The following LHX1 variants were observed in gnomAD, a reference collection of about 807,000 sequenced individuals.
LHX1 encodes LIM/homeobox protein Lhx1.
A neutral mutation model predicts 34.1 loss-of-function variants in LHX1; 9 were observed. That is an observed-to-expected ratio of 0.26 (90% CI 0.16 to 0.46). LHX1 has a LOEUF of 0.46. LHX1 is among the 20% of genes least tolerant of loss of function. LHX1 has a pLI of 1.00. For synonymous variants in LHX1, 254 were observed against 241.5 expected (o/e 1.05, Z -0.48); for missense variants, 446 against 559.1 (o/e 0.80, Z 2.04).
Position 36,940,698 on chromosome 17 carries a change from G to A in LHX1, c.486G>A (p.Ser162=). The A allele has an allele frequency of 6.2e-7, 1 of 1,613,778 alleles. No homozygotes were observed. Among genetic ancestry groups the A allele is most frequent in the Non-Finnish European group, 8.5e-7 (1 of 1,180,046 alleles). ...DAKDSESANV[S]DKEAGSNEND... is the part of the protein sequence containing the mutation. ...AGGACTCGGAGAGCGCCAACGTGTC[G>A]GACAAGGAAGCGGGTAGCAACGAGA... is the stretch of plus-strand genomic sequence containing the variant. The change falls in exon 3 of 5, where the codon TCG becomes TCA. Residue 162 remains serine, a synonymous_variant. Coordinates refer to ENST00000614239, the MANE Select transcript of LHX1 (RefSeq NM_005568.5).
At chr17:36,940,265 G>A in intron 1 of LHX1, 25 bp from the exon 2 acceptor site, 13 of 328,464 alleles carry the variant, frequency 4.0e-5, no homozygotes, top group South Asian at 9.9e-5. Context: ...CCCCGCCCCC[G>A]CCCCCCACCC....
chr17:36,937,955 C>A lies in LHX1; in HGVS notation c.-243C>A. The A allele has an allele frequency of 1.7e-6, 1 of 602,336 alleles. No individual in the cohort carries two copies. The highest frequency in any genetic ancestry group is 3.0e-6 in the Non-Finnish European group (1 of 336,892). The allele number at this position is 602,336 out of a possible 1,614,324, so 37.3% of individuals were successfully genotyped here. A position where few individuals can be genotyped will look rare whatever the true frequency, so the allele number is the denominator to read the frequency against. On this transcript the variant is annotated 5_prime_UTR_variant, in exon 1 of 5. Transcript: ENST00000614239. The stretch of plus-strand genomic sequence containing the variant: ...CCCGGGAGCTCAGGCGGCGCCGCTC[C>A]AGCCCGGGGCCCCGGGACTCCCCGG...
At chr17:36,942,521 A>G (rs2070772546) in intron 4 of LHX1, among the ~76,000 whole-genome samples, 156 bp downstream of exon 4, 1 of 152,140 alleles carries the variant, frequency 6.6e-6, no homozygotes, top group Non-Finnish European at 1.5e-5. Context: ...GGAGGCGGCG[A>G]GACCGAGGAC....
Position 36,937,515 on chromosome 17 carries a change from G to C in LHX1, c.-683G>C, listed in dbSNP as rs1034736791. The stretch of plus-strand genomic sequence containing the variant: ...TACCCTCCCCTCTTTCCCTTCTCCC[G>C]CGGTCGGCCCTCGCCCCCTCCCCCA... On this transcript the variant is annotated 5_prime_UTR_variant, in exon 1 of 5. Coordinates refer to ENST00000614239, the MANE Select transcript of LHX1 (RefSeq NM_005568.5). The C allele has an allele frequency of 3.2e-6, 1 of 311,774 alleles. No individual in the cohort carries two copies. The highest frequency in any genetic ancestry group is 6.3e-6 in the Non-Finnish European group (1 of 158,866). 19.3% of individuals were successfully genotyped at this position (311,774 alleles called of 1,614,324 possible).
rs2070741617 is a variant in LHX1 at position 36,938,202 on chromosome 17, T to C, written c.5T>C (p.Val2Ala). The C allele has an allele frequency of 1.2e-6, 2 of 1,613,512 alleles. No individual in the cohort carries two copies. Among genetic ancestry groups the C allele is most frequent in the Non-Finnish European group, 1.7e-6 (2 of 1,180,008 alleles). Residue 2 changes from valine (V) to alanine (A), a missense_variant, in exon 1 of 5, where the codon GTT (valine) becomes GCT (alanine). Physicochemically the swap from Val to Ala is moderately conservative, Grantham distance 64. Transcript: ENST00000614239. ...CATCAGACCAAACCAAAGACCATGG[T>C]TCACTGTGCCGGCTGCAAAAGGCCC... M[V>A]HCAGCKRPIL...
At position 36,942,854 on chromosome 17, in the gene LHX1, C is replaced by G. The variant is rs765794281; in HGVS notation, c.944C>G (p.Pro315Arg). ...AQTPVDLPFV[P>R]SSGPSGTPLG... ...ACACCAGTGGACCTACCCTTCGTGC[C>G]GTCATCTGGGCCGTCCGGGACGCCC... The change falls in exon 5 of 5, where the codon CCG (proline) becomes CGG (arginine). Residue 315 changes from proline to arginine, a missense_variant. Pro to Arg is a moderately radical substitution (Grantham distance 103). This residue lies in a region of LHX1 where 235 missense variants were observed against 224.4 expected (regional missense o/e 1.05). Coordinates refer to ENST00000614239, the MANE Select transcript of LHX1 (RefSeq NM_005568.5). The G allele has an allele frequency of 1.3e-6, 2 of 1,589,188 alleles. No individual in the cohort carries two copies. The highest frequency in any genetic ancestry group is 1.7e-6 in the Non-Finnish European group (2 of 1,165,410).
chr17:36,942,654 C>G (rs146331094), intron 4 of LHX1, 98 bp from the exon 5 acceptor site: 1 of 1,308,484 alleles, frequency 7.6e-7, no homozygotes, highest in Non-Finnish European at 1.0e-6. Flanking sequence ...CCCCGCGCGG[C>G]CTTCCTCAGC....
In LHX1 at chr17:36,943,557, A is replaced by C; in HGVS notation, c.*426A>C. The C allele has an allele frequency of 6.0e-6, 1 of 167,284 alleles. No homozygotes were observed. The highest frequency in any genetic ancestry group is 1.7e-4 in the East Asian group (1 of 5,988). 10.4% of individuals were successfully genotyped at this position (167,284 alleles called of 1,614,324 possible). ...GAGCACAGCCGGGTGAAGGAAGTGA[A>C]GCGGCCCAGGGCGCTCCCGGGCCAG... is the stretch of plus-strand genomic sequence containing the variant. On this transcript the variant is annotated 3_prime_UTR_variant, in exon 5 of 5. Transcript: ENST00000614239.
chr17:36,938,032 C>G lies in LHX1; in HGVS notation c.-166C>G. ...CAGGCCCCGATCAGCCTCGTTTCCTCCACCCTACTTTGATTTCCTGGTGCG... is the reference window on the plus strand; with the variant it reads ...CAGGCCCCGATCAGCCTCGTTTCCTGCACCCTACTTTGATTTCCTGGTGCG... On this transcript the variant is annotated 5_prime_UTR_variant, in exon 1 of 5. Transcript: ENST00000614239. 3.0e-6 allele frequency: 2 copies of G among 673,512 alleles called. No individual in the cohort carries two copies. Among genetic ancestry groups the G allele is most frequent in the Admixed American group, 4.8e-5 (2 of 41,314 alleles). 41.7% of individuals were successfully genotyped at this position (673,512 alleles called of 1,614,324 possible).
chr17:36,940,075 C>T (rs1402534486), intron 1 of LHX1: 5 of 604,440 alleles, frequency 8.3e-6, no homozygotes, highest in Admixed American at 2.9e-5. Context: ...CCTGGTGCCG[C>T]GCTCTCTCTC....
In LHX1 at chr17:36,943,197, G is replaced by GAAAAAA; in HGVS notation, c.*72_*77dup. 2 of 1,303,822 alleles carry GAAAAAA rather than the reference G, an allele frequency of 1.5e-6. No individual in the cohort carries two copies. The highest frequency in any genetic ancestry group is 1.0e-6 in the Non-Finnish European group (1 of 963,508). 80.8% of individuals were successfully genotyped at this position (1,303,822 alleles called of 1,614,324 possible). A position where few individuals can be genotyped will look rare whatever the true frequency, so the allele number is the denominator to read the frequency against. ...AATGAACCTTTATTTAAGAAAAATA[G>GAAAAAA]AAAAAAAAAAACATAAAAAGCAAGT... On this transcript the variant is annotated 3_prime_UTR_variant, in exon 5 of 5. Coordinates refer to ENST00000614239, the MANE Select transcript of LHX1 (RefSeq NM_005568.5).
At position 36,944,341 on chromosome 17, in the gene LHX1, A is replaced by G. The variant is rs1294036035; in HGVS notation, c.*1210A>G. The G allele has an allele frequency of 6.6e-6, 1 of 151,894 alleles. No individual in the cohort carries two copies. The highest frequency in any genetic ancestry group is 2.4e-5 in the African/African-American group (1 of 41,378). The allele number at this position is 151,894 out of a possible 1,614,324, so 9.4% of individuals were successfully genotyped here. ...AATTTTTTTGTCCTGTTGAACATTCATGGAATTGTTAATATGACTTATATA... is the reference window on the plus strand; with the variant it reads ...AATTTTTTTGTCCTGTTGAACATTCGTGGAATTGTTAATATGACTTATATA... On this transcript the variant is annotated 3_prime_UTR_variant, in exon 5 of 5. Transcript: ENST00000614239.
At position 36,942,757 on chromosome 17, in the gene LHX1, C is replaced by G; in HGVS notation, c.847C>G (p.Gln283Glu). Residue 283 changes from glutamine (Q) to glutamate (E), a missense_variant, in exon 5 of 5, where the codon CAG becomes GAG. Physicochemically the swap from Gln to Glu is conservative, Grantham distance 29 (BLOSUM62 2). Coordinates refer to ENST00000614239, the MANE Select transcript of LHX1 (RefSeq NM_005568.5). ...CCCTCCCCGCCGCTCCGCAGATTAC[C>G]AGAGCGAGTACTACGGGCCCGGGGG... Reference protein sequence around the residue: ...NGPFSFYGDYQSEYYGPGGNY... With the variant: ...NGPFSFYGDYESEYYGPGGNY... The G allele has an allele frequency of 6.6e-7, 1 of 1,521,226 alleles. No homozygotes were observed. The highest frequency in any genetic ancestry group is 8.8e-7 in the Non-Finnish European group (1 of 1,133,654). The allele number at this position is 1,521,226 out of a possible 1,614,324, so 94.2% of individuals were successfully genotyped here. A position where few individuals can be genotyped will look rare whatever the true frequency, so the allele number is the denominator to read the frequency against.
chr17:36,939,975 C>T (rs1194679936), intron 1 of LHX1: 2 of 548,372 alleles, frequency 3.6e-6, no homozygotes, highest in Non-Finnish European at 6.5e-6. Context: ...ATGCATCTTT[C>T]CTCTGGGATA....
Position 36,942,141 on chromosome 17 carries a change from A to G in LHX1, c.676-59A>G, listed in dbSNP as rs999132420. The G allele has an allele frequency of 9.8e-6, 15 of 1,524,706 alleles. No homozygotes were observed. The African/African-American group carries it at 1.2e-4, about 13-fold the overall frequency. The allele number at this position is 1,524,706 out of a possible 1,614,324, so 94.4% of individuals were successfully genotyped here. On this transcript the variant is annotated intron_variant, in intron 3 of 4. Transcript: ENST00000614239. ...GTGAAGGGGTGCTGGCTAGGCCCGG[A>G]GCACCCCGGGGTCGGGGGTGGAGTC... is the stretch of plus-strand genomic sequence containing the variant.
In LHX1 at chr17:36,940,271, C is replaced by G. The variant is rs1567956999; in HGVS notation, c.171-19C>G. The G allele has an allele frequency of 2.2e-6, 1 of 449,254 alleles. No individual in the cohort carries two copies. Among genetic ancestry groups the G allele is most frequent in the East Asian group, 5.4e-5 (1 of 18,608 alleles). The allele number at this position is 449,254 out of a possible 1,614,324, so 27.8% of individuals were successfully genotyped here. ...CTGACCCATCCCCGCCCCCGCCCCC[C>G]ACCCCCACCCCCCCGCAGGTGTTTC... is the stretch of plus-strand genomic sequence containing the variant. On this transcript the variant is annotated intron_variant, in intron 1 of 4. Coordinates refer to ENST00000614239, the MANE Select transcript of LHX1 (RefSeq NM_005568.5).
At chr17:36,942,169 G>A (rs1203574655) in intron 3 of LHX1, 31 bp from the exon 4 acceptor site, 3 of 1,560,340 alleles carry the variant, frequency 1.9e-6, no homozygotes, top group Non-Finnish European at 2.6e-6. Context: ...GTGGAGTCTC[G>A]GTGGCCTCAC....
Position 36,940,402 on chromosome 17 carries a change from A to C in LHX1, c.283A>C (p.Asn95His), listed in dbSNP as rs1229442652. 6.2e-7 allele frequency: 1 copy of C among 1,614,146 alleles called. No homozygotes were observed. The highest frequency in any genetic ancestry group is 8.5e-7 in the Non-Finnish European group (1 of 1,180,042). Residue 95 changes from asparagine to histidine, a missense_variant, in exon 2 of 5, where the codon AAC becomes CAC. Coordinates refer to ENST00000614239, the MANE Select transcript of LHX1 (RefSeq NM_005568.5). Reference sequence around the variant, plus strand: ...GAACTGCTTCACCTGCATGATGTGTAACAAGCAGCTCTCCACTGGCGAGGA... The same window carrying C: ...GAACTGCTTCACCTGCATGATGTGTCACAAGCAGCTCTCCACTGGCGAGGA... ...HLNCFTCMMCNKQLSTGEELY... is the reference protein window; with the variant it reads ...HLNCFTCMMCHKQLSTGEELY...
rs776599397 is a variant in LHX1 at position 36,942,223 on chromosome 17, C to G, written c.699C>G (p.Ser233=). 2 of 1,599,542 alleles carry G rather than the reference C, an allele frequency of 1.3e-6. No individual in the cohort carries two copies. Among genetic ancestry groups the G allele is most frequent in the African/African-American group, 2.7e-5 (2 of 74,786 alleles). Residue 233 remains serine (S), a synonymous_variant, in exon 4 of 5, where the codon TCC becomes TCG. Transcript: ENST00000614239. ...AGGTCTGGTTCCAGAACCGGCGCTCCAAGGAGCGGAGGATGAAGCAGCTGA... is the reference window on the plus strand; with the variant it reads ...AGGTCTGGTTCCAGAACCGGCGCTCGAAGGAGCGGAGGATGAAGCAGCTGA... The part of the protein sequence containing the change: ...VIQVWFQNRR[S]KERRMKQLSA...
Sources: allele counts gnomAD v4.1 joint callset (sites outside exome capture counted in the v4.1 genomes callset), GRCh38; gene constraint gnomAD v4.1.1; regional missense constraint gnomAD v4.1.1; transcripts MANE v1.5; gene names NCBI Gene and HGNC (gene_info 2026-07-23, HGNC 2026-07-21).